Variants in DNM3 observed in about 807,000 individuals in gnomAD.
DNM3 encodes dynamin 3.
In DNM3, 47 loss-of-function variants were observed where a neutral mutation model predicts 101.6. The observed-to-expected ratio is 0.46, with a 90% CI of 0.37 to 0.59. The LOEUF is 0.59. DNM3 is among the 20% of genes least tolerant of loss of function. The pLI is 0.00. For synonymous variants in DNM3, 385 were observed against 387.9 expected, an observed-to-expected ratio of 0.99 and a Z score of 0.09; for missense variants, 849 against 1,085.7, an observed-to-expected ratio of 0.78 and a Z score of 3.06.
intron 1 of DNM3, among the ~76,000 whole-genome samples, chr1:171,883,815 A>C (rs1041499066): frequency 6.6e-6 from 1 of 152,152 alleles, no homozygotes; most frequent in Admixed American, 6.6e-5. Context: ...ATGTATATTA[A>C]ACAAATGACT....
intron 17 of DNM3, among the ~76,000 whole-genome samples, chr1:172,330,688 A>G (rs1485568628): frequency 6.6e-6 from 1 of 152,170 alleles, no homozygotes; most frequent in African/African-American, 2.4e-5. Context: ...AGGTTTTGAA[A>G]TACACAAAAA....
chr1:172,119,709 A>G (rs1332440573), intron 13 of DNM3, among the ~76,000 whole-genome samples: 2 of 152,100 alleles, frequency 1.3e-5, no homozygotes, highest in Non-Finnish European at 2.9e-5. Context: ...TCTATTTCAC[A>G]TGTTCACATC....
intron 10 of DNM3, among the ~76,000 whole-genome samples, chr1:172,049,312 T>A (rs932363662): frequency 6.6e-6 from 1 of 152,078 alleles, no homozygotes; most frequent in Non-Finnish European, 1.5e-5. Context: ...GAAATGAGGA[T>A]GATGATGATA....
chr1:172,047,387 C>T (rs182284732), intron 9 of DNM3, among the ~76,000 whole-genome samples: 1 of 152,254 alleles, frequency 6.6e-6, no homozygotes. Flanking sequence ...TAAGTGCTTG[C>T]TTTGCATCTG....
At chr1:172,017,898 T>A (rs1200493660) in intron 4 of DNM3, among the ~76,000 whole-genome samples, 4 of 152,162 alleles carry the variant, frequency 2.6e-5, no homozygotes, top group Admixed American at 1.3e-4. Flanking sequence ...TTCATACATG[T>A]TAAGAATTGT....
At chr1:171,944,940 T>G (rs2042077802) in intron 2 of DNM3, among the ~76,000 whole-genome samples, 1 of 135,996 alleles carries the variant, frequency 7.4e-6, no homozygotes, top group Admixed American at 7.9e-5. Context: ...CACGTCTCAC[T>G]GAAGCCTTGA....
chr1:172,024,990 G>T (rs2048098723), intron 4 of DNM3, among the ~76,000 whole-genome samples: 1 of 152,208 alleles, frequency 6.6e-6, no homozygotes, highest in Non-Finnish European at 1.5e-5. Flanking sequence ...AAGCCAGGGA[G>T]CCAGGTGGTC....
chr1:171,974,866 C>CTTTTTTTTTTTTTT (rs202081677), intron 2 of DNM3, among the ~76,000 whole-genome samples: 1 of 149,496 alleles, frequency 6.7e-6, no homozygotes, highest in African/African-American at 2.5e-5. Flanking sequence ...TCTTCTTCTA[C>CTTTTTTTTTTTTTT]TGTTTTTTTT....
At position 172,038,812 on chromosome 1, in the gene DNM3, T is replaced by C. The variant is rs1306852448; in HGVS notation, c.992+351T>C. On this transcript the variant is annotated intron_variant, in intron 7 of 20. Coordinates refer to ENST00000627582, the MANE Select transcript of DNM3 (RefSeq NM_015569.5). ...ATATCATTTGTATTTTTCAGCTGTTTCTATGGATGTCAATTGTACTTATTA... is the reference window on the plus strand; with the variant it reads ...ATATCATTTGTATTTTTCAGCTGTTCCTATGGATGTCAATTGTACTTATTA... 2.0e-5 allele frequency among the ~76,000 whole-genome samples: 3 copies of C among 152,206 alleles called. No individual in the cohort carries two copies. In the East Asian group the frequency reaches 5.8e-4, roughly 29 times the overall value.
At chr1:172,024,123 T>C (rs976765634) in intron 4 of DNM3, among the ~76,000 whole-genome samples, 17 of 152,106 alleles carry the variant, frequency 1.1e-4, no homozygotes, top group African/African-American at 3.9e-4. Context: ...TATTACAATG[T>C]TTATTTGTTT....
chr1:172,242,612 A>T (rs1043239933), intron 14 of DNM3, among the ~76,000 whole-genome samples: 4 of 151,978 alleles, frequency 2.6e-5, no homozygotes, highest in African/African-American at 9.7e-5. Flanking sequence ...CTAGTTTTTT[A>T]AAAAAAATTT....
chr1:172,395,157 T>C (rs1168414893), intron 20 of DNM3, among the ~76,000 whole-genome samples: 1 of 150,056 alleles, frequency 6.7e-6, no homozygotes, highest in Non-Finnish European at 1.5e-5. Context: ...CTTCTTTCTG[T>C]GAAAGATCAG....
chr1:171,876,926 A>T (rs2035840697), intron 1 of DNM3, among the ~76,000 whole-genome samples: 1 of 152,244 alleles, frequency 6.6e-6, no homozygotes, highest in Admixed American at 6.5e-5. Context: ...CAAAGTTACA[A>T]ATATGTCCTT....
intron 10 of DNM3, among the ~76,000 whole-genome samples, chr1:172,057,468 G>A (rs1365100501): frequency 2.0e-5 from 3 of 152,188 alleles, no homozygotes; most frequent in African/African-American, 7.2e-5. Context: ...CCCTCAAAGG[G>A]AAGCCCATCA....
At chr1:172,172,291 T>C (rs1013537211) in intron 14 of DNM3, among the ~76,000 whole-genome samples, 1 of 151,620 alleles carries the variant, frequency 6.6e-6, no homozygotes, top group Non-Finnish European at 1.5e-5. Context: ...GGGACTACAT[T>C]CCAAGACTCC....
At chr1:172,273,179 T>C (rs1443383727) in intron 15 of DNM3, among the ~76,000 whole-genome samples, 1 of 152,052 alleles carries the variant, frequency 6.6e-6, no homozygotes, top group Non-Finnish European at 1.5e-5. Context: ...AGTTTTGTCC[T>C]GTTTCTTTGC....
intron 20 of DNM3, among the ~76,000 whole-genome samples, chr1:172,391,313 G>T (rs576071997): frequency 5.3e-5 from 8 of 152,248 alleles, no homozygotes; most frequent in Non-Finnish European, 7.4e-5. Flanking sequence ...CAGCGCTTTG[G>T]GAGGGAAATC....
chr1:171,988,527 C>G (rs1366625345), intron 3 of DNM3, among the ~76,000 whole-genome samples: 1 of 150,526 alleles, frequency 6.6e-6, no homozygotes, highest in Non-Finnish European at 1.5e-5. Context: ...AAGTGGTTAA[C>G]TTTCTATTAA....
intron 2 of DNM3, among the ~76,000 whole-genome samples, chr1:171,956,780 A>G (rs1399407966): frequency 1.3e-5 from 2 of 152,086 alleles, no homozygotes; most frequent in East Asian, 1.9e-4. Context: ...AGGCATTTCC[A>G]TACATCCTCT....
Sources: gnomAD v4.1 joint callset for allele counts (sites outside exome capture counted in the v4.1 genomes callset) on GRCh38, gnomAD v4.1.1 for gene constraint, MANE v1.5 for transcripts, NCBI Gene and HGNC (gene_info 2026-07-23, HGNC 2026-07-21) for gene names.